Variants in CYP7B1 observed in about 807,000 individuals in gnomAD.
The protein encoded by CYP7B1 is cytochrome P450 family 7 subfamily B member 1, also known as cytochrome P450 7B1.
Under a neutral mutation model 42.7 loss-of-function variants are expected in CYP7B1, and 29 were observed. The ratio of observed to expected loss-of-function variants is 0.68; its 90% CI spans 0.51 to 0.93. The LOEUF (loss-of-function observed/expected upper bound fraction) is 0.93. Among genes scored for constraint, CYP7B1 ranks in the 40% least tolerant of loss-of-function variants. CYP7B1 has a pLI of 0.00. For missense variants in CYP7B1, 655 were observed against 600.5 expected (o/e 1.09, Z -0.95); for synonymous variants, 235 against 218.2 (o/e 1.08, Z -0.68).
At chr8:64,641,393 G>C (rs1805854102) in intron 1 of CYP7B1, among the ~76,000 whole-genome samples, 1 of 152,094 alleles carries the variant, frequency 6.6e-6, no homozygotes, top group Admixed American at 6.6e-5. Flanking sequence ...TAAAGCAAAA[G>C]AAAAGAAAGA....
intron 4 of CYP7B1, among the ~76,000 whole-genome samples, chr8:64,613,486 T>C (rs1371752945): frequency 6.6e-6 from 1 of 152,142 alleles, no homozygotes; most frequent in Non-Finnish European, 1.5e-5. Context: ...TACTTCCCAG[T>C]ATGCGTCATC....
chr8:64,641,275 A>G (rs574290563), intron 1 of CYP7B1, among the ~76,000 whole-genome samples: 19 of 152,328 alleles, frequency 1.2e-4, no homozygotes, highest in African/African-American at 4.1e-4. Context: ...ATTCCAAGGA[A>G]TATCTCTAGA....
chr8:64,795,076 C>T (rs1804684033), intron 1 of CYP7B1, among the ~76,000 whole-genome samples: 3 of 151,502 alleles, frequency 2.0e-5, no homozygotes, highest in Non-Finnish European at 4.4e-5. Flanking sequence ...GGATAGAAAA[C>T]TCTATATTCT....
intron 1 of CYP7B1, among the ~76,000 whole-genome samples, chr8:64,637,105 G>T (rs1463546277): frequency 6.6e-6 from 1 of 152,164 alleles, no homozygotes; most frequent in Non-Finnish European, 1.5e-5. Context: ...AGATCAATGA[G>T]AATGATGTAT....
At chr8:64,789,518 C>CA (rs2129716862) in intron 1 of CYP7B1, among the ~76,000 whole-genome samples, 1 of 152,328 alleles carries the variant, frequency 6.6e-6, no homozygotes, top group South Asian at 2.1e-4. Flanking sequence ...CAAGCCTTTG[C>CA]ACTCAGAAGA....
downstream of CYP7B1, among the ~76,000 whole-genome samples, chr8:64,586,627 A>G (rs549939655): frequency 5.9e-5 from 9 of 152,334 alleles, no homozygotes; most frequent in Admixed American, 1.3e-4. Flanking sequence ...TCACATGGAA[A>G]GCAGGAGTGG....
chr8:64,787,841 G>T (rs1217641995), intron 1 of CYP7B1, among the ~76,000 whole-genome samples: 1 of 152,002 alleles, frequency 6.6e-6, no homozygotes, highest in African/African-American at 2.4e-5. Context: ...CTGCATGGCT[G>T]GGGGGCCTCA....
chr8:64,652,316 A>G (rs1806051617), intron 1 of CYP7B1, among the ~76,000 whole-genome samples: 1 of 152,190 alleles, frequency 6.6e-6, no homozygotes, highest in East Asian at 1.9e-4. Context: ...ACTTTGGACC[A>G]AATGGATCTA....
intron 1 of CYP7B1, among the ~76,000 whole-genome samples, chr8:64,764,184 G>A (rs1447835479): frequency 2.0e-5 from 3 of 151,944 alleles, no homozygotes; most frequent in Non-Finnish European, 2.9e-5. Context: ...CTCTCCCATT[G>A]TGTAAGATGC....
intron 1 of CYP7B1, among the ~76,000 whole-genome samples, chr8:64,714,292 A>G (rs559061590): frequency 3.3e-5 from 5 of 152,328 alleles, no homozygotes; most frequent in Admixed American, 2.0e-4. Context: ...ATATGAATTT[A>G]CACTTTATCT....
chr8:64,730,249 T>C (rs1807388676), intron 1 of CYP7B1, among the ~76,000 whole-genome samples: 1 of 151,984 alleles, frequency 6.6e-6, no homozygotes, highest in Non-Finnish European at 1.5e-5. Context: ...TTTGTATTTT[T>C]AGTGGAGATG....
chr8:64,653,614 A>G (rs1274907734), intron 1 of CYP7B1, among the ~76,000 whole-genome samples: 1 of 152,200 alleles, frequency 6.6e-6, no homozygotes, highest in Non-Finnish European at 1.5e-5. Context: ...TATTTCAAAA[A>G]TCGAGGAGAA....
chr8:64,705,816 C>T (rs889865502), intron 1 of CYP7B1, among the ~76,000 whole-genome samples: 8 of 151,972 alleles, frequency 5.3e-5, no homozygotes, highest in Non-Finnish European at 8.8e-5. Context: ...CTTTCTTTTC[C>T]AATTACATTC....
At chr8:64,793,343 T>C (rs949032144) in intron 1 of CYP7B1, among the ~76,000 whole-genome samples, 2 of 152,204 alleles carry the variant, frequency 1.3e-5, no homozygotes, top group African/African-American at 4.8e-5. Context: ...AATTTAAACA[T>C]CTTATATTTA....
chr8:64,756,580 G>A (rs548978705), intron 1 of CYP7B1, among the ~76,000 whole-genome samples: 1 of 152,178 alleles, frequency 6.6e-6, no homozygotes, highest in East Asian at 1.9e-4. Context: ...AAAGAACAAG[G>A]CACGGCGAGA....
intron 1 of CYP7B1, among the ~76,000 whole-genome samples, chr8:64,733,184 T>C (rs890109804): frequency 6.6e-6 from 1 of 152,138 alleles, no homozygotes; most frequent in Non-Finnish European, 1.5e-5. Context: ...TCTGATGAGT[T>C]TTTTCAGGGG....
At chr8:64,682,237 G>A (rs1806549541) in intron 1 of CYP7B1, among the ~76,000 whole-genome samples, 1 of 152,202 alleles carries the variant, frequency 6.6e-6, no homozygotes, top group Admixed American at 6.5e-5. Context: ...CAGTTTGGCT[G>A]GGATGGGAGT....
intron 1 of CYP7B1, among the ~76,000 whole-genome samples, chr8:64,727,074 G>A (rs1807335831): frequency 6.6e-6 from 1 of 152,154 alleles, no homozygotes; most frequent in Non-Finnish European, 1.5e-5. Flanking sequence ...ACTGAATGAA[G>A]TCACACTCTG....
chr8:64,620,046 TGTG>T (rs1805503814), intron 2 of CYP7B1, among the ~76,000 whole-genome samples: 1 of 151,872 alleles, frequency 6.6e-6, no homozygotes, highest in Non-Finnish European at 1.5e-5. Flanking sequence ...ATTAGCCAGG[TGTG>T]GTGGCACACA....
Sources: allele counts gnomAD v4.1 joint callset (sites outside exome capture counted in the v4.1 genomes callset), GRCh38; gene constraint gnomAD v4.1.1; transcripts MANE v1.5; gene names NCBI Gene and HGNC (gene_info 2026-07-23, HGNC 2026-07-21).